Variants in SLCO3A1 observed in about 807,000 individuals in gnomAD.
The protein encoded by SLCO3A1 is solute carrier organic anion transporter family member 3A1, also known as PGE1 transporter.
In SLCO3A1, 27 loss-of-function variants were observed where a neutral mutation model predicts 63.1. The observed-to-expected ratio is 0.43, with a 90% CI of 0.32 to 0.59. The LOEUF is 0.59. SLCO3A1 is among the 20% of genes least tolerant of loss of function. The probability of loss-of-function intolerance (pLI) is 0.09; values close to 1 mark genes in which losing one functional copy is unlikely to be tolerated. For missense variants in SLCO3A1, 773 were observed against 945.8 expected (o/e 0.82, Z 2.40); for synonymous variants, 473 against 409.9 (o/e 1.15, Z -1.86).
chr15:92,143,119 C>A (rs1211006109), intron 7 of SLCO3A1, among the ~76,000 whole-genome samples: 1 of 150,462 alleles, frequency 6.6e-6, no homozygotes, highest in African/African-American at 2.4e-5. Flanking sequence ...TGAGGGATTC[C>A]TGGGGTACTT....
chr15:92,051,163 A>G (rs1028005056), intron 2 of SLCO3A1, among the ~76,000 whole-genome samples: 5 of 152,224 alleles, frequency 3.3e-5, no homozygotes, highest in African/African-American at 7.2e-5. Flanking sequence ...AGTAAGGCAT[A>G]TAGTATGCTC....
chr15:91,929,478 A>T (rs537126752), intron 2 of SLCO3A1, among the ~76,000 whole-genome samples: 6 of 151,890 alleles, frequency 4.0e-5, no homozygotes, highest in Non-Finnish European at 8.8e-5. Context: ...AAGTTGGGAG[A>T]CTCAGCTCCT....
intron 2 of SLCO3A1, among the ~76,000 whole-genome samples, chr15:92,023,716 G>A (rs888461627): frequency 3.3e-5 from 5 of 152,114 alleles, no homozygotes; most frequent in African/African-American, 7.2e-5. Flanking sequence ...TGATCCAGCC[G>A]CCTCGGCCTC....
At chr15:92,119,703 A>G (rs2047838050) in intron 4 of SLCO3A1, among the ~76,000 whole-genome samples, 1 of 152,194 alleles carries the variant, frequency 6.6e-6, no homozygotes, top group African/African-American at 2.4e-5. Context: ...ACTGAGGGGC[A>G]GACCTCGGGC....
At chr15:92,048,296 G>A (rs902747697) in intron 2 of SLCO3A1, among the ~76,000 whole-genome samples, 2 of 152,010 alleles carry the variant, frequency 1.3e-5, no homozygotes, top group Non-Finnish European at 2.9e-5. Context: ...TACCCCCATC[G>A]GACTCTGAAA....
At chr15:91,895,918 A>G (rs1303317801) in intron 1 of SLCO3A1, among the ~76,000 whole-genome samples, 1 of 152,238 alleles carries the variant, frequency 6.6e-6, no homozygotes, top group African/African-American at 2.4e-5. Flanking sequence ...GTCAAGGACA[A>G]TGAACTGTGT....
At chr15:91,970,927 G>A (rs202082214) in intron 2 of SLCO3A1, among the ~76,000 whole-genome samples, 1 of 152,180 alleles carries the variant, frequency 6.6e-6, no homozygotes, top group East Asian at 1.9e-4. Context: ...CCTTAAATAG[G>A]TATAGGCATA....
intron 2 of SLCO3A1, among the ~76,000 whole-genome samples, chr15:92,041,071 A>G (rs768747328): frequency 5.3e-5 from 8 of 152,250 alleles, no homozygotes; most frequent in Middle Eastern, 3.4e-3. Flanking sequence ...TGAGCATTAA[A>G]TTGAATGTGA....
intron 2 of SLCO3A1, among the ~76,000 whole-genome samples, chr15:92,092,725 G>A (rs940531693): frequency 1.3e-5 from 2 of 151,926 alleles, no homozygotes; most frequent in African/African-American, 4.8e-5. Context: ...ACTAAATAGA[G>A]CCCCCTAATT....
chr15:91,937,846 A>T (rs776983598), intron 2 of SLCO3A1, among the ~76,000 whole-genome samples: 1 of 152,200 alleles, frequency 6.6e-6, no homozygotes, highest in Non-Finnish European at 1.5e-5. Context: ...GGATATTAGA[A>T]CAACTTTATT....
intron 4 of SLCO3A1, among the ~76,000 whole-genome samples, chr15:92,106,116 C>T (rs563180562): frequency 1.5e-4 from 23 of 152,212 alleles, no homozygotes; most frequent in Non-Finnish European, 1.6e-4. Context: ...GTCTGTTAAT[C>T]GTACCTGTTA....
chr15:92,011,157 G>A (rs923285553), intron 2 of SLCO3A1, among the ~76,000 whole-genome samples: 1 of 152,154 alleles, frequency 6.6e-6, no homozygotes, highest in Non-Finnish European at 1.5e-5. Flanking sequence ...GGAATGCTCC[G>A]GGCAGGGTCC....
At chr15:92,024,428 GCTTTTATAGTGAGT>G (rs2046546256) in intron 2 of SLCO3A1, among the ~76,000 whole-genome samples, 1 of 152,164 alleles carries the variant, frequency 6.6e-6, no homozygotes, top group Non-Finnish European at 1.5e-5. Flanking sequence ...TGTCTAACTT[GCTTTTATAGTGAGT>G]TAGACAGTTT....
At chr15:92,092,968 T>G (rs2047494873) in intron 2 of SLCO3A1, among the ~76,000 whole-genome samples, 1 of 152,208 alleles carries the variant, frequency 6.6e-6, no homozygotes, top group African/African-American at 2.4e-5. Flanking sequence ...ACTTCCAGAT[T>G]TCTTCGCATC....
chr15:92,086,999 G>C (rs8041063), intron 2 of SLCO3A1, among the ~76,000 whole-genome samples: 78,764 of 149,468 alleles, frequency 0.53, 22,706 homozygotes, highest in Non-Finnish European at 0.65. Flanking sequence ...AAAAAAAAAG[G>C]AATATTTCTC....
intron 7 of SLCO3A1, among the ~76,000 whole-genome samples, chr15:92,142,412 C>T (rs78259909): frequency 6.6e-6 from 1 of 152,300 alleles, no homozygotes; most frequent in East Asian, 1.9e-4. Context: ...AGATGGCACC[C>T]TCTAGCTGTG....
chr15:91,955,664 C>A (rs1042227094), intron 2 of SLCO3A1, among the ~76,000 whole-genome samples: 1 of 152,134 alleles, frequency 6.6e-6, no homozygotes, highest in African/African-American at 2.4e-5. Context: ...AGCTGTGGAC[C>A]ATGTATTTGT....
At chr15:91,960,192 C>T (rs1900390604) in intron 2 of SLCO3A1, among the ~76,000 whole-genome samples, 3 of 152,148 alleles carry the variant, frequency 2.0e-5, no homozygotes, top group African/African-American at 7.2e-5. Flanking sequence ...ACGATGTTAG[C>T]CAGGATGCTC....
chr15:92,151,224 C>G (rs1182586304), intron 9 of SLCO3A1: 4 of 499,836 alleles, frequency 8.0e-6, no homozygotes, highest in Non-Finnish European at 7.0e-6. Context: ...TTTATACCAA[C>G]TCTTATCTTC....
Sources: allele counts gnomAD v4.1 joint callset (sites outside exome capture counted in the v4.1 genomes callset), GRCh38; gene constraint gnomAD v4.1.1; transcripts MANE v1.5; gene names NCBI Gene and HGNC (gene_info 2026-07-23, HGNC 2026-07-21).